The following NES variants were observed in gnomAD, a reference collection of about 807,000 sequenced individuals.
NES encodes the protein nestin.
Under a neutral mutation model 35.6 loss-of-function variants are expected in NES, and 27 were observed. The ratio of observed to expected loss-of-function variants is 0.76; its 90% confidence interval spans 0.56 to 1.04. The LOEUF is 1.04. Ranked by LOEUF, NES falls within the 50% of genes least tolerant of loss-of-function variation. NES has a pLI of 0.00. For missense variants in NES, 1,867 were observed against 1,983.6 expected, an observed-to-expected ratio of 0.94 and a Z score of 1.12; for synonymous variants, 822 against 824.2, an observed-to-expected ratio of 1.00 and a Z score of 0.04.
chr1:156,673,878 G>A (rs2102587902), intron 2 of NES, among the ~76,000 whole-genome samples: 1 of 152,218 alleles, frequency 6.6e-6, no homozygotes, highest in East Asian at 1.9e-4. Flanking sequence ...TCTGTGTGGG[G>A]GACCGATTCT....
chr1:156,671,639 C>T lies in NES; in HGVS notation c.2549G>A (p.Trp850Ter). The T allele has an allele frequency of 6.2e-7, 1 of 1,613,878 alleles. No individual in the cohort carries two copies. The highest frequency in any genetic ancestry group is 8.5e-7 in the Non-Finnish European group (1 of 1,179,992). The change falls in exon 4 of 4, where the codon TGG becomes TAG. Residue 850 changes from tryptophan (W) to a stop codon, truncating the protein, a stop_gained. Coordinates refer to ENST00000368223, the MANE Select transcript of NES (RefSeq NM_006617.2). LOFTEE classifies it low-confidence loss of function (END_TRUNC). ...CCCCTGATTTATTTCTTCTGGAGTCCACAGTGGTGCTTGAGTTTCTGGAGA... is the reference window on the plus strand; with the variant it reads ...CCCCTGATTTATTTCTTCTGGAGTCTACAGTGGTGCTTGAGTTTCTGGAGA... The part of the protein sequence containing the change: ...LKSPETQAPL[W>*]TPEEINQGAM...
chr1:156,675,105 G>T, intron 2 of NES, 111 bp downstream of exon 2: 1 of 1,359,282 alleles, frequency 7.4e-7, no homozygotes, highest in Non-Finnish European at 1.0e-6. Context: ...ACAGAACCCA[G>T]TGGCAGCAGA....
chr1:156,670,859 T>TCGC lies in NES; in HGVS notation c.3328_3329insGCG (p.Gly1109dup). 3 of 1,609,344 alleles carry TCGC rather than the reference T, an allele frequency of 1.9e-6. No homozygotes were observed. The highest frequency in any genetic ancestry group is 2.5e-6 in the Non-Finnish European group (3 of 1,176,936). Reference sequence around the variant, plus strand: ...CTCTTCCCTGGTCAGATGGCCTGGGTCCCCCAGCCCTCCCACCCCCTGCCC... The same window carrying TCGC: ...CTCTTCCCTGGTCAGATGGCCTGGGTCGCCCCCCAGCCCTCCCACCCCCTGCCC... On this transcript the variant is annotated inframe_insertion, in exon 4 of 4. Transcript: ENST00000368223.
chr1:156,670,729 C>G lies in NES; in HGVS notation c.3459G>C (p.Glu1153Asp), dbSNP rs1413320276. The G allele has an allele frequency of 6.2e-7, 1 of 1,614,064 alleles. No individual in the cohort carries two copies. Among genetic ancestry groups the G allele is most frequent in the East Asian group, 2.2e-5 (1 of 44,864 alleles). Reference sequence around the variant, plus strand: ...TGCTCTTCCCAGGCAGCTCGGAGAACTCTGTCCCCAGACCACCTGCCTCCT... The same window carrying G: ...TGCTCTTCCCAGGCAGCTCGGAGAAGTCTGTCCCCAGACCACCTGCCTCCT... The part of the protein sequence containing the change: ...DLEEAGGLGT[E>D]FSELPGKSRD... The change falls in exon 4 of 4, where the codon GAG becomes GAC. Residue 1153 changes from glutamate (E) to aspartate (D), a missense_variant. By Grantham distance (45) the Glu-to-Asp change is conservative. Coordinates refer to ENST00000368223, the MANE Select transcript of NES (RefSeq NM_006617.2).
Position 156,672,987 on chromosome 1 carries a change from C to T in NES, c.1201G>A (p.Val401Ile). 2 of 1,613,838 alleles carry T rather than the reference C, an allele frequency of 1.2e-6. No homozygotes were observed. Among genetic ancestry groups the T allele is most frequent in the South Asian group, 1.1e-5 (1 of 91,072 alleles). Residue 401 changes from valine to isoleucine, a missense_variant, in exon 4 of 4, where the codon GTA becomes ATA. Coordinates refer to ENST00000368223, the MANE Select transcript of NES (RefSeq NM_006617.2). ...PPTPQAPSPA[V>I]DAEIRAQDAP... The stretch of plus-strand genomic sequence containing the variant: ...TCCTGGGCTCTGATCTCTGCATCTA[C>T]AGCAGGAGAGGGTGCCTGAGGTGTG...
rs1325540729 is a variant in NES at position 156,671,669 on chromosome 1, A to C, written c.2519T>G (p.Leu840Arg). The change falls in exon 4 of 4, where the codon CTG becomes CGG. Residue 840 changes from leucine to arginine, a missense_variant. Physicochemically the swap from Leu to Arg is moderately radical, Grantham distance 102 (BLOSUM62 -2). Coordinates refer to ENST00000368223, the MANE Select transcript of NES (RefSeq NM_006617.2). ...TGGTGCTTGAGTTTCTGGAGATTTCAGTGTTTCCAGGTTCTCTTGTCCCGC... is the reference window on the plus strand; with the variant it reads ...TGGTGCTTGAGTTTCTGGAGATTTCCGTGTTTCCAGGTTCTCTTGTCCCGC... ...KSAGQENLET[L>R]KSPETQAPLW... is the part of the protein sequence containing the mutation. 1 of 1,613,468 alleles carries C rather than the reference A, an allele frequency of 6.2e-7. No homozygotes were observed. Among genetic ancestry groups the C allele is most frequent in the Non-Finnish European group, 8.5e-7 (1 of 1,179,902 alleles).
In NES at chr1:156,669,055, C is replaced by T. The variant is rs575163857; in HGVS notation, c.*267G>A. 4 of 352,858 alleles carry T rather than the reference C, an allele frequency of 1.1e-5. No homozygotes were observed. The highest frequency in any genetic ancestry group is 4.3e-5 in the East Asian group (1 of 23,330). The allele number at this position is 352,858 out of a possible 1,614,324, so 21.9% of individuals were successfully genotyped here. On this transcript the variant is annotated 3_prime_UTR_variant, in exon 4 of 4. Coordinates refer to ENST00000368223, the MANE Select transcript of NES (RefSeq NM_006617.2). ...CGGAGGGAAGGGGACCTAGTACTAT[C>T]GGGATTCAGCTGACTTAGCCTATGA...
At position 156,669,174 on chromosome 1, in the gene NES, C is replaced by T. The variant is rs1288343247; in HGVS notation, c.*148G>A. 1.8e-6 allele frequency: 1 copy of T among 542,400 alleles called. No individual in the cohort carries two copies. The highest frequency in any genetic ancestry group is 3.1e-6 in the Non-Finnish European group (1 of 319,170). The allele number at this position is 542,400 out of a possible 1,614,324, so 33.6% of individuals were successfully genotyped here. A position where few individuals can be genotyped will look rare whatever the true frequency, so the allele number is the denominator to read the frequency against. On this transcript the variant is annotated 3_prime_UTR_variant, in exon 4 of 4. Coordinates refer to ENST00000368223, the MANE Select transcript of NES (RefSeq NM_006617.2). ...TAGGCTCCTTTGCCACACCCCTTTTCACCTTAGCGGGCCAGGCCTCTCAGC... is the reference window on the plus strand; with the variant it reads ...TAGGCTCCTTTGCCACACCCCTTTTTACCTTAGCGGGCCAGGCCTCTCAGC...
Position 156,671,025 on chromosome 1 carries a change from C to A in NES, c.3163G>T (p.Ala1055Ser). The change falls in exon 4 of 4, where the codon GCT (alanine) becomes TCT (serine). Residue 1055 changes from alanine to serine, a missense_variant. Ala to Ser is a moderately conservative substitution (Grantham distance 99, BLOSUM62 1). Coordinates refer to ENST00000368223, the MANE Select transcript of NES (RefSeq NM_006617.2). Reference protein sequence around the residue: ...SQQVGAPGLQAPQGLPEAIEP... With the variant: ...SQQVGAPGLQSPQGLPEAIEP... ...ATCGCCTCTGGCAGCCCCTGGGGAG[C>A]CTGGAGGCCTGGGGCCCCCACCTGT... The A allele has an allele frequency of 6.2e-7, 1 of 1,612,754 alleles. No homozygotes were observed. The highest frequency in any genetic ancestry group is 8.5e-7 in the Non-Finnish European group (1 of 1,179,654).
At position 156,676,702 on chromosome 1, in the gene NES, C is replaced by A. The variant is rs781541049; in HGVS notation, c.563G>T (p.Gly188Val). 1 of 1,453,054 alleles carries A rather than the reference C, an allele frequency of 6.9e-7. No individual in the cohort carries two copies. Among genetic ancestry groups the A allele is most frequent in the South Asian group, 1.4e-5 (1 of 72,978 alleles). The allele number at this position is 1,453,054 out of a possible 1,614,324, so 90.0% of individuals were successfully genotyped here. The change falls in exon 1 of 4, where the codon GGG (glycine) becomes GTG (valine). Residue 188 changes from glycine to valine, a missense_variant. By Grantham distance (109) the Gly-to-Val change is moderately radical. Transcript: ENST00000368223. This position sits in a 1 kb window ranked among gnomAD's most constrained non-coding sequence, Gnocchi z 5.3. ...GCGCTCCTGGTAGCCGCGCACTGCC[C>A]CGCGCCACGCCTCGCCCAGTCGCCT... ...LARRLGEAWR[G>V]AVRGYQERVA...
chr1:156,675,234 A>T lies in NES; in HGVS notation c.890T>A (p.Leu297Gln). ...CTCGTACCTGTACGTGGCCACCTCC[A>T]GGCTGAGGGACATCTTGAGGTGCGC... ...QLAHLKMSLS[L>Q]EVATYRTLLE... Residue 297 changes from leucine (L) to glutamine (Q), a missense_variant, in exon 2 of 4, where the codon CTG becomes CAG. By Grantham distance (113) the Leu-to-Gln change is moderately radical. Coordinates refer to ENST00000368223, the MANE Select transcript of NES (RefSeq NM_006617.2). 6.2e-7 allele frequency: 1 copy of T among 1,613,484 alleles called. No homozygotes were observed. The highest frequency in any genetic ancestry group is 8.5e-7 in the Non-Finnish European group (1 of 1,179,836).
In NES at chr1:156,671,855, C is replaced by G; in HGVS notation, c.2333G>C (p.Arg778Thr). The change falls in exon 4 of 4, where the codon AGA becomes ACA. Residue 778 changes from arginine (R) to threonine (T), a missense_variant. Coordinates refer to ENST00000368223, the MANE Select transcript of NES (RefSeq NM_006617.2). ...TTCTAGATCCACTTTTTCTGGGGGTCTTAATGTCATCTGATCCTGTTCCCC... is the reference window on the plus strand; with the variant it reads ...TTCTAGATCCACTTTTTCTGGGGGTGTTAATGTCATCTGATCCTGTTCCCC... ...SLGEQDQMTLRPPEKVDLEPL... is the reference protein window; with the variant it reads ...SLGEQDQMTLTPPEKVDLEPL... The G allele has an allele frequency of 6.2e-7, 1 of 1,613,862 alleles. No homozygotes were observed. The highest frequency in any genetic ancestry group is 1.3e-5 in the African/African-American group (1 of 74,982).
rs372020167 is a variant in NES at position 156,673,012 on chromosome 1, G to C, written c.1176C>G (p.Pro392=). The C allele has an allele frequency of 1.3e-5, 21 of 1,609,542 alleles. No homozygotes were observed. In the South Asian group the frequency reaches 2.0e-4, roughly 15 times the overall value. ...CAGCAGGAGAGGGTGCCTGAGGTGT[G>C]GGGGGGATGGGGGTGCTGGCCAAGG... ...TPTLASTPIP[P]TPQAPSPAVD... The change falls in exon 4 of 4, where the codon CCC becomes CCG. Residue 392 remains proline, a synonymous_variant. Transcript: ENST00000368223.
At chr1:156,675,872 G>A (rs909028579) in intron 1 of NES, among the ~76,000 whole-genome samples, 1 of 152,172 alleles carries the variant, frequency 6.6e-6, no homozygotes, top group Admixed American at 6.5e-5. Context: ...TCTCCTCTGA[G>A]AGGAGGGATG....
Position 156,672,277 on chromosome 1 carries a change from T to A in NES, c.1911A>T (p.Lys637Asn). Residue 637 changes from lysine to asparagine, a missense_variant, in exon 4 of 4, where the codon AAA becomes AAT. By Grantham distance (94) the Lys-to-Asn change is moderately conservative. Coordinates refer to ENST00000368223, the MANE Select transcript of NES (RefSeq NM_006617.2). ...SLQKENQELM[K>N]SLEGNLETFL... ...ATGTCTCTAGATTACCTTCAAGAGATTTCATTAGTTCTTGATTCTCCTTTT... is the reference window on the plus strand; with the variant it reads ...ATGTCTCTAGATTACCTTCAAGAGAATTCATTAGTTCTTGATTCTCCTTTT... 1 of 1,602,136 alleles carries A rather than the reference T, an allele frequency of 6.2e-7. No homozygotes were observed. The highest frequency in any genetic ancestry group is 2.2e-5 in the East Asian group (1 of 44,792).
At position 156,674,731 on chromosome 1, in the gene NES, A is replaced by G. The variant is rs774033519; in HGVS notation, c.908+485T>C. Among the ~76,000 whole-genome samples the G allele has an allele frequency of 5.6e-4, 85 of 152,328 alleles. 1 individual carries two copies. Among genetic ancestry groups the G allele is most frequent in the Non-Finnish European group, 7.4e-4 (50 of 68,002 alleles). On this transcript the variant is annotated intron_variant, in intron 2 of 3. Coordinates refer to ENST00000368223, the MANE Select transcript of NES (RefSeq NM_006617.2). ...AGTCTCGCCCCATGACATCCAGGCT[A>G]GAAGAGGCCTTGGAAGTCCCCCAGC...
At chr1:156,674,886 G>A (rs1311499293) in intron 2 of NES, among the ~76,000 whole-genome samples, 1 of 152,218 alleles carries the variant, frequency 6.6e-6, no homozygotes, top group Admixed American at 6.5e-5. Flanking sequence ...GGCACACATA[G>A]AGTTGGAGCT....
intron 1 of NES, among the ~76,000 whole-genome samples, chr1:156,675,730 C>T (rs1362488184): frequency 1.3e-5 from 2 of 152,182 alleles, no homozygotes; most frequent in African/African-American, 4.8e-5. Flanking sequence ...ATCAAGATGC[C>T]TGGAGCCTGC....
Position 156,672,431 on chromosome 1 carries a change from A to C in NES, c.1757T>G (p.Leu586Arg). The change falls in exon 4 of 4, where the codon CTA (leucine) becomes CGA (arginine). Residue 586 changes from leucine (L) to arginine (R), a missense_variant. By Grantham distance (102) the Leu-to-Arg change is moderately radical (BLOSUM62 -2). Transcript: ENST00000368223. ...PRSLEEDLETLKSLEKENKEL... is the reference protein window; with the variant it reads ...PRSLEEDLETRKSLEKENKEL... ...TTTATTTTCCTTTTCTAGACTTTTT[A>C]GTGTTTCTAAGTCTTCTTCTAAAGA... 6.2e-7 allele frequency: 1 copy of C among 1,611,172 alleles called. No individual in the cohort carries two copies. Among genetic ancestry groups the C allele is most frequent in the South Asian group, 1.1e-5 (1 of 90,562 alleles).
Sources: gnomAD v4.1 joint callset for allele counts (sites outside exome capture counted in the v4.1 genomes callset) on GRCh38, gnomAD v4.1.1 for gene constraint, Gnocchi (gnomAD v3.1) non-coding constraint, MANE v1.5 for transcripts, NCBI Gene and HGNC (gene_info 2026-07-23, HGNC 2026-07-21) for gene names.